Variants in ANKRD11 observed in about 807,000 individuals in gnomAD.
ANKRD11 encodes the protein ankyrin repeat domain-containing protein 11.
In ANKRD11, 17 loss-of-function variants were observed where a neutral mutation model predicts 195.7. That is an observed-to-expected ratio of 0.09 (90% CI 0.06 to 0.13). ANKRD11 has a LOEUF of 0.13. Ranked by LOEUF, ANKRD11 falls within the 10% of genes least tolerant of loss-of-function variation. ANKRD11 has a pLI of 1.00. For synonymous variants in ANKRD11, 1,953 were observed against 1,528.1 expected, an observed-to-expected ratio of 1.28 and a Z score of -6.49; for missense variants, 3,735 against 3,566.1, an observed-to-expected ratio of 1.05 and a Z score of -1.21.
intron 1 of ANKRD11, among the ~76,000 whole-genome samples, chr16:89,484,802 T>C (rs905349887): frequency 6.6e-6 from 1 of 152,190 alleles, no homozygotes; most frequent in Admixed American, 6.5e-5. Flanking sequence ...ATAAAAATGG[T>C]TTGTTGAGAA....
intron 4 of ANKRD11, among the ~76,000 whole-genome samples, chr16:89,302,664 A>G (rs888894421): frequency 3.2e-4 from 48 of 152,314 alleles, no homozygotes; most frequent in African/African-American, 1.1e-3. Context: ...TTGCAACATT[A>G]AACAAGAAGT....
chr16:89,336,269 G>A (rs1324248529), intron 2 of ANKRD11, among the ~76,000 whole-genome samples: 1 of 152,200 alleles, frequency 6.6e-6, no homozygotes, highest in African/African-American at 2.4e-5. Context: ...GTGCCTGGCT[G>A]GGAGCAGGTG....
chr16:89,469,009 C>T (rs551476682), intron 1 of ANKRD11, among the ~76,000 whole-genome samples: 9 of 152,242 alleles, frequency 5.9e-5, no homozygotes, highest in African/African-American at 1.9e-4. Context: ...TAGAAGGGAA[C>T]TTCCTCAACC....
chr16:89,277,055 TAAA>T (rs35025100), intron 9 of ANKRD11, among the ~76,000 whole-genome samples: 1 of 143,374 alleles, frequency 7.0e-6, no homozygotes, highest in East Asian at 2.0e-4. Flanking sequence ...GACTCTGTCT[TAAA>T]AAAAAAAAAA....
intron 1 of ANKRD11, among the ~76,000 whole-genome samples, chr16:89,487,816 G>A (rs2057670813): frequency 6.6e-6 from 1 of 152,124 alleles, no homozygotes; most frequent in Non-Finnish European, 1.5e-5. Flanking sequence ...AAAACTTCTT[G>A]GAAAAATACT....
At position 89,280,743 on chromosome 16, in the gene ANKRD11, C is replaced by G. The variant is rs767084927; in HGVS notation, c.5799G>C (p.Pro1933=). The G allele has an allele frequency of 9.9e-6, 16 of 1,613,278 alleles. No individual in the cohort carries two copies. Among genetic ancestry groups the G allele is most frequent in the African/African-American group, 1.3e-5 (1 of 74,926 alleles). ...IIPPEPSYLE[P]LDEGPFSAVI... ...CGGCGCTGAAGGGACCCTCGTCCAG[C>G]GGCTCCAGGTAGCTGGGCTCCGGGG... The change falls in exon 9 of 13, where the codon CCG becomes CCC. Residue 1933 remains proline (P), a synonymous_variant. Transcript: ENST00000301030.
intron 2 of ANKRD11, among the ~76,000 whole-genome samples, chr16:89,396,450 T>C (rs1375460169): frequency 2.0e-5 from 3 of 152,170 alleles, no homozygotes; most frequent in African/African-American, 7.2e-5. Context: ...CACAAACACC[T>C]GCTGGGTTTT....
chr16:89,353,995 A>G lies in ANKRD11; in HGVS notation c.-59-36917T>C, dbSNP rs148592739. On this transcript the variant is annotated intron_variant, in intron 2 of 12. Coordinates refer to ENST00000301030, the MANE Select transcript of ANKRD11 (RefSeq NM_013275.6). ...GGCTTCCAGCCTTGTGAACCAGCCC[A>G]GCTGAATGCCCCAAGTCTGTAAATA... Among the ~76,000 whole-genome samples the G allele has an allele frequency of 4.6e-3, 702 of 152,290 alleles. 5 individuals are homozygous for G. The highest frequency in any genetic ancestry group is 0.016 in the African/African-American group (655 of 41,568).
chr16:89,381,447 A>T (rs538084265), intron 2 of ANKRD11, among the ~76,000 whole-genome samples: 1 of 152,090 alleles, frequency 6.6e-6, no homozygotes, highest in Non-Finnish European at 1.5e-5. Flanking sequence ...GGGTTATTGT[A>T]TAAGGAGCAA....
chr16:89,367,655 C>T (rs1040065710), intron 2 of ANKRD11, among the ~76,000 whole-genome samples: 18 of 152,120 alleles, frequency 1.2e-4, no homozygotes, highest in African/African-American at 3.9e-4. Context: ...CTCCCTTGAC[C>T]AGGAAAGCTC....
chr16:89,334,186 G>C (rs947062166), intron 2 of ANKRD11, among the ~76,000 whole-genome samples: 3 of 133,416 alleles, frequency 2.2e-5, no homozygotes, highest in African/African-American at 9.0e-5. Context: ...GAGAGAGAGA[G>C]AAAGAAAGAA....
chr16:89,337,429 CTTTTTTTTTTTT>C (rs1165680827), intron 2 of ANKRD11, among the ~76,000 whole-genome samples: 19 of 53,136 alleles, frequency 3.6e-4, no homozygotes, highest in South Asian at 1.2e-3. Context: ...CTAAGCAATT[CTTTTTTTTTTTT>C]TTTTTTTTTT....
In ANKRD11 at chr16:89,440,113, T is replaced by G. The variant is rs1252322194; in HGVS notation, c.-144-21745A>C. Among the ~76,000 whole-genome samples, 3 of 152,206 alleles carry G rather than the reference T, an allele frequency of 2.0e-5. No individual in the cohort carries two copies. The East Asian group carries it at 5.8e-4, about 29-fold the overall frequency. The stretch of plus-strand genomic sequence containing the variant: ...AAACACAGAACCTCTAGCCCAGTGC[T>G]CACCCGCAACCATTTCCCTGCCTCT... On this transcript the variant is annotated intron_variant, in intron 1 of 12. Transcript: ENST00000301030.
intron 2 of ANKRD11, among the ~76,000 whole-genome samples, chr16:89,326,323 G>A (rs1293618870): frequency 2.0e-5 from 3 of 152,120 alleles, no homozygotes; most frequent in East Asian, 1.9e-4. Flanking sequence ...GGGGTGTCAC[G>A]CACCGTTGCT....
At chr16:89,332,141 A>G (rs1046721353) in intron 2 of ANKRD11, among the ~76,000 whole-genome samples, 4 of 152,140 alleles carry the variant, frequency 2.6e-5, no homozygotes, top group Non-Finnish European at 5.9e-5. Context: ...AAAAAAAGAT[A>G]ATAATCTTAA....
chr16:89,430,321 C>T (rs1052417572), intron 1 of ANKRD11, among the ~76,000 whole-genome samples: 1 of 144,830 alleles, frequency 6.9e-6, no homozygotes, highest in African/African-American at 2.6e-5. Flanking sequence ...TCAACTCTCG[C>T]GCTCAGACGT....
intron 3 of ANKRD11, among the ~76,000 whole-genome samples, chr16:89,310,692 G>A (rs1484211626): frequency 4.6e-5 from 7 of 152,146 alleles, no homozygotes; most frequent in Non-Finnish European, 4.4e-5. Context: ...AAAATAATCC[G>A]TATTTTTTAT....
intron 1 of ANKRD11, among the ~76,000 whole-genome samples, chr16:89,469,246 G>C (rs1398904514): frequency 6.6e-6 from 1 of 151,952 alleles, no homozygotes; most frequent in African/African-American, 2.4e-5. Flanking sequence ...TTTTGAGATG[G>C]AGTCTCACTC....
At position 89,268,454 on chromosome 16, in the gene ANKRD11, GCGTCCTGCGGC is replaced by G; in HGVS notation, c.*13_*23del. The G allele has an allele frequency of 9.2e-7, 1 of 1,082,812 alleles. No individual in the cohort carries two copies. Among genetic ancestry groups the G allele is most frequent in the Non-Finnish European group, 1.3e-6 (1 of 753,364 alleles). The allele number at this position is 1,082,812 out of a possible 1,614,324, so 67.1% of individuals were successfully genotyped here. On this transcript the variant is annotated 3_prime_UTR_variant, in exon 13 of 13. Coordinates refer to ENST00000301030, the MANE Select transcript of ANKRD11 (RefSeq NM_013275.6). Reference sequence around the variant, plus strand: ...CTGGGCAGCCGTGCGGCCCTCGCCTGCGTCCTGCGGCCGTCCCGCGGTGTCATGCCGGCAAC... The same window carrying G: ...CTGGGCAGCCGTGCGGCCCTCGCCTGCGTCCCGCGGTGTCATGCCGGCAAC...
Sources: allele counts gnomAD v4.1 joint callset (sites outside exome capture counted in the v4.1 genomes callset), GRCh38; gene constraint gnomAD v4.1.1; transcripts MANE v1.5; gene names NCBI Gene and HGNC (gene_info 2026-07-23, HGNC 2026-07-21).